NBL1: variants seen among roughly 807,000 people sequenced by gnomAD.
NBL1 encodes the protein neuroblastoma suppressor of tumorigenicity 1.
A neutral mutation model predicts 16.0 loss-of-function variants in NBL1; 9 were observed. The observed-to-expected ratio is 0.56, with a 90% CI of 0.34 to 0.98. NBL1 has a LOEUF of 0.98. Ranked by LOEUF, NBL1 falls within the 50% of genes least tolerant of loss-of-function variation. NBL1 has a pLI of 0.02. For synonymous variants in NBL1, 86 were observed against 100.7 expected (o/e 0.85, Z 0.87); for missense variants, 196 against 243.1 (o/e 0.81, Z 1.29).
chr1:19,654,051 G>A (rs962989405), intron 1 of NBL1, among the ~76,000 whole-genome samples: 11 of 152,230 alleles, frequency 7.2e-5, no homozygotes, highest in African/African-American at 2.7e-4. Flanking sequence ...GCATCTTAGA[G>A]AACAATACTG....
intron 1 of NBL1, chr1:19,645,837 T>A: frequency 6.7e-7 from 1 of 1,489,610 alleles, no homozygotes; most frequent in Non-Finnish European, 9.0e-7. Context: ...TATTTTAAAG[T>A]GAAATTTCAG....
chr1:19,647,598 A>G (rs56912210), intron 1 of NBL1: 121,509 of 984,938 alleles, frequency 0.12, 7,929 homozygotes, highest in South Asian at 0.2. Context: ...CTGGTTTGAA[A>G]GCCACCAGCC....
intron 1 of NBL1, among the ~76,000 whole-genome samples, chr1:19,650,004 T>C (rs1207747164): frequency 6.7e-6 from 1 of 149,988 alleles, no homozygotes; most frequent in Non-Finnish European, 1.5e-5. Flanking sequence ...AGACAGAGTC[T>C]CGCTTTGTCG....
In NBL1 at chr1:19,644,509, G is replaced by C. The variant is rs2094965738; in HGVS notation, c.-20+63G>C. ...TCCAGAGGCTTCGGCCGCGGGGGCA[G>C]TGCCGCGCCCCCAGCCCGGAGCTGC... On this transcript the variant is annotated intron_variant, in intron 1 of 3. Coordinates refer to ENST00000375136, the MANE Select transcript of NBL1 (RefSeq NM_005380.8). This position sits in a 1 kb window ranked among gnomAD's most constrained non-coding sequence, Gnocchi z 4.6. 2.2e-6 allele frequency: 2 copies of C among 894,354 alleles called. No homozygotes were observed. Among genetic ancestry groups the C allele is most frequent in the African/African-American group, 1.8e-5 (1 of 55,232 alleles). 55.4% of individuals were successfully genotyped at this position (894,354 alleles called of 1,614,324 possible).
At chr1:19,655,721 A>G (rs911685074) in intron 3 of NBL1, among the ~76,000 whole-genome samples, 4 of 152,206 alleles carry the variant, frequency 2.6e-5, no homozygotes, top group Non-Finnish European at 5.9e-5. Context: ...TTATAGGATG[A>G]GACCAAAATC....
At chr1:19,643,838 C>A (rs1031816364), upstream of NBL1, 32 of 990,824 alleles carry the variant, frequency 3.2e-5, no homozygotes, top group Non-Finnish European at 3.0e-5. This position sits in a 1 kb window ranked among gnomAD's most constrained non-coding sequence, Gnocchi z 4.7. Context: ...GGTGCCGGGA[C>A]GCGGCGGGCT....
chr1:19,649,281 G>A (rs2095006959), intron 1 of NBL1, among the ~76,000 whole-genome samples: 1 of 152,026 alleles, frequency 6.6e-6, no homozygotes, highest in South Asian at 2.1e-4. Context: ...TCATAGGACA[G>A]AATAAATTAA....
Position 19,645,972 on chromosome 1 carries a change from C to A in NBL1, c.-20+1526C>A, listed in dbSNP as rs185203446. On this transcript the variant is annotated intron_variant, in intron 1 of 3. Transcript: ENST00000375136. The stretch of plus-strand genomic sequence containing the variant: ...GCAGATGTGCAGCCTGGCCCTGCAG[C>A]AGCTCATTAGCATGGATTTGTTTTG... The A allele has an allele frequency of 4.4e-4, 685 of 1,550,552 alleles. 1 individual carries two copies. In the African/African-American group the frequency reaches 8.0e-3, roughly 18 times the overall value.
intron 1 of NBL1, chr1:19,645,335 C>T (rs2094972129): frequency 1.0e-6 from 1 of 984,888 alleles, no homozygotes; most frequent in African/African-American, 1.7e-5. Context: ...TGCGGGCCAC[C>T]TGCCCGGCCC....
upstream of NBL1, chr1:19,643,498 T>C (rs1022803086): frequency 6.5e-7 from 1 of 1,542,092 alleles, no homozygotes; most frequent in Admixed American, 2.0e-5. The surrounding 1 kb of genome is among the most constrained non-coding windows in gnomAD (Gnocchi z 4.7). Context: ...TCTCACCCCG[T>C]TGTTAAGCAC....
chr1:19,644,446 G>T lies in NBL1; in HGVS notation c.-20G>T. The T allele has an allele frequency of 1.0e-6, 1 of 978,762 alleles. No homozygotes were observed. Among genetic ancestry groups the T allele is most frequent in the Non-Finnish European group, 1.2e-6 (1 of 827,332 alleles). The allele number at this position is 978,762 out of a possible 1,614,324, so 60.6% of individuals were successfully genotyped here. A position where few individuals can be genotyped will look rare whatever the true frequency, so the allele number is the denominator to read the frequency against. On this transcript the variant is annotated splice_region_variant and 5_prime_UTR_variant, in exon 1 of 4. Coordinates refer to ENST00000375136, the MANE Select transcript of NBL1 (RefSeq NM_005380.8). This position sits in a 1 kb window ranked among gnomAD's most constrained non-coding sequence, Gnocchi z 4.6. ...CTCCGCAGGACCGGCGGGCGCGCGC[G>T]GTAAGTCCCGCCCGGGTCGGCACGC...
rs781458245 is a variant in NBL1, at chr1:19,655,180, G to A, written c.150G>A (p.Glu50=). 1.2e-6 allele frequency: 2 copies of A among 1,608,842 alleles called. No homozygotes were observed. ...ITQIVGHSGC[E]AKSIQNRACL... Reference sequence around the variant, plus strand: ...AGATCGTGGGCCACAGCGGCTGTGAGGCCAAGTCCATCCAGAACAGGTGGG... The same window carrying A: ...AGATCGTGGGCCACAGCGGCTGTGAAGCCAAGTCCATCCAGAACAGGTGGG... The change falls in exon 2 of 4, where the codon GAG becomes GAA. Residue 50 remains glutamate, a synonymous_variant. Transcript: ENST00000375136.
chr1:19,654,636 C>T (rs754907993), intron 1 of NBL1, among the ~76,000 whole-genome samples: 8 of 152,000 alleles, frequency 5.3e-5, no homozygotes, highest in Non-Finnish European at 1.0e-4. Flanking sequence ...ACTTCGTAAT[C>T]GCAATCCTGT....
chr1:19,650,951 C>A (rs570817625), intron 1 of NBL1, among the ~76,000 whole-genome samples: 1 of 152,140 alleles, frequency 6.6e-6, no homozygotes, highest in East Asian at 1.9e-4. Flanking sequence ...CTGGCATCCT[C>A]GCTGCCTCCT....
intron 1 of NBL1, among the ~76,000 whole-genome samples, chr1:19,654,037 T>C (rs1371180325): frequency 6.6e-6 from 1 of 152,056 alleles, no homozygotes; most frequent in Non-Finnish European, 1.5e-5. Context: ...GAGTTTCTGG[T>C]GAGGCATCTT....
chr1:19,644,828 C>G lies in NBL1; in HGVS notation c.-20+382C>G, dbSNP rs987470584. On this transcript the variant is annotated intron_variant, in intron 1 of 3. Transcript: ENST00000375136. The surrounding 1 kb of genome is among the most constrained non-coding windows in gnomAD (Gnocchi z 4.6). The stretch of plus-strand genomic sequence containing the variant: ...CGGCCGTGCCCGGGCCTCGCCGCGC[C>G]GCGCCTCTCGGCTCTGGACGTTTCC... Among the ~76,000 whole-genome samples the G allele has an allele frequency of 2.0e-5, 3 of 152,118 alleles. No homozygotes were observed. Among genetic ancestry groups the G allele is most frequent in the Non-Finnish European group, 4.4e-5 (3 of 67,994 alleles).
chr1:19,646,104 C>T (rs1352269752), intron 1 of NBL1: 5 of 1,519,272 alleles, frequency 3.3e-6, no homozygotes, highest in African/African-American at 1.4e-5. Flanking sequence ...GCAGGCAGGC[C>T]TGGGTGGCAC....
chr1:19,652,872 C>T (rs1015975941), intron 1 of NBL1, among the ~76,000 whole-genome samples: 6 of 152,050 alleles, frequency 3.9e-5, no homozygotes, highest in African/African-American at 1.4e-4. Context: ...CCTGTAATTC[C>T]AGCTATTCTG....
chr1:19,649,117 C>T (rs1356969351), intron 1 of NBL1, among the ~76,000 whole-genome samples: 2 of 152,058 alleles, frequency 1.3e-5, no homozygotes, highest in Non-Finnish European at 2.9e-5. Flanking sequence ...ACCTTTTGAC[C>T]TGCAAGGGTA....
Sources: allele counts gnomAD v4.1 joint callset (sites outside exome capture counted in the v4.1 genomes callset), GRCh38; gene constraint gnomAD v4.1.1; non-coding constraint Gnocchi (gnomAD v3.1); transcripts MANE v1.5; gene names NCBI Gene and HGNC (gene_info 2026-07-23, HGNC 2026-07-21).